Variants in HSPA12A observed in about 807,000 individuals in gnomAD.
HSPA12A encodes heat shock protein family A (Hsp70) member 12A.
Under a neutral mutation model 69.2 loss-of-function variants are expected in HSPA12A, and 28 were observed. The observed-to-expected ratio is 0.40, with a 90% CI of 0.30 to 0.55. HSPA12A has a LOEUF of 0.55. HSPA12A is among the 20% of genes least tolerant of loss of function. The pLI, the probability that HSPA12A is intolerant of heterozygous loss-of-function variation, is 0.38. For missense variants in HSPA12A, 686 were observed against 900.7 expected, an observed-to-expected ratio of 0.76 and a Z score of 3.05; for synonymous variants, 345 against 370.5, an observed-to-expected ratio of 0.93 and a Z score of 0.79.
intron 2 of HSPA12A, among the ~76,000 whole-genome samples, chr10:116,826,090 G>A (rs1845499748): frequency 6.6e-6 from 1 of 151,906 alleles, no homozygotes; most frequent in Non-Finnish European, 1.5e-5. Flanking sequence ...TGTCTGGACC[G>A]CACATGCCCC....
chr10:116,816,692 ATTTTTT>A (rs891927170), intron 2 of HSPA12A, among the ~76,000 whole-genome samples: 1 of 152,110 alleles, frequency 6.6e-6, no homozygotes, highest in Non-Finnish European at 1.5e-5. Context: ...GCCACTCATG[ATTTTTT>A]TAAATGGGGT....
intron 2 of HSPA12A, among the ~76,000 whole-genome samples, chr10:116,798,080 G>T (rs1476994452): frequency 6.6e-6 from 1 of 151,636 alleles, no homozygotes; most frequent in Admixed American, 6.6e-5. Flanking sequence ...ACCAGATCAC[G>T]TGGGGTCTCC....
chr10:116,848,154 C>A (rs1845931043), intron 1 of HSPA12A, among the ~76,000 whole-genome samples: 1 of 152,242 alleles, frequency 6.6e-6, no homozygotes, highest in Non-Finnish European at 1.5e-5. Flanking sequence ...TCTGCCCTTG[C>A]AGGGCCCCAG....
chr10:116,837,744 G>A (rs879616318), intron 1 of HSPA12A, among the ~76,000 whole-genome samples: 4 of 150,932 alleles, frequency 2.7e-5, no homozygotes, highest in Non-Finnish European at 5.9e-5. Context: ...AAAATATACT[G>A]TATATAATAA....
chr10:116,806,623 G>C (rs11591612), intron 2 of HSPA12A, among the ~76,000 whole-genome samples: 31,853 of 152,126 alleles, frequency 0.21, 3,448 homozygotes, highest in African/African-American at 0.26. Flanking sequence ...AAAATGTGCA[G>C]CCCCACGCCA....
chr10:116,776,323 G>T (rs1844337836), intron 2 of HSPA12A, among the ~76,000 whole-genome samples: 1 of 152,150 alleles, frequency 6.6e-6, no homozygotes, highest in Admixed American at 6.5e-5. Context: ...TCCTCCCGCT[G>T]GTCTCACCCC....
chr10:116,801,709 C>T (rs1471671323), intron 2 of HSPA12A, among the ~76,000 whole-genome samples: 1 of 151,842 alleles, frequency 6.6e-6, no homozygotes, highest in East Asian at 1.9e-4. Flanking sequence ...CAAATTTATA[C>T]ACGTCATAAA....
chr10:116,827,195 A>G (rs1845524583), intron 2 of HSPA12A, among the ~76,000 whole-genome samples: 1 of 152,194 alleles, frequency 6.6e-6, no homozygotes, highest in South Asian at 2.1e-4. Context: ...AGGGGTCACA[A>G]TATCCTAAGG....
chr10:116,726,304 C>G (rs1850960921), intron 1 of HSPA12A, among the ~76,000 whole-genome samples: 1 of 152,148 alleles, frequency 6.6e-6, no homozygotes, highest in African/African-American at 2.4e-5. Context: ...AAAGGAAGAC[C>G]TACCAGAAGC....
intron 2 of HSPA12A, among the ~76,000 whole-genome samples, chr10:116,792,296 A>G (rs907990356): frequency 6.7e-6 from 1 of 148,164 alleles, no homozygotes; most frequent in Non-Finnish European, 1.5e-5. Context: ...CCATCAAGGA[A>G]CAAGAATTGG....
upstream of HSPA12A, chr10:116,850,147 T>C (rs954967745): frequency 1.8e-5 from 5 of 277,210 alleles, no homozygotes; most frequent in Non-Finnish European, 2.8e-5. Flanking sequence ...GATCACAGGA[T>C]GAACACCTTG....
At chr10:116,689,632 GAC>G (rs1849677682) in intron 6 of HSPA12A, among the ~76,000 whole-genome samples, 2 of 152,056 alleles carry the variant, frequency 1.3e-5, no homozygotes, top group Non-Finnish European at 1.5e-5. Context: ...CAGACAGACA[GAC>G]AGACAGATAG....
At chr10:116,814,254 G>A (rs188616121) in intron 2 of HSPA12A, among the ~76,000 whole-genome samples, 94 of 152,334 alleles carry the variant, frequency 6.2e-4, no homozygotes, top group Non-Finnish European at 1.1e-3. Context: ...TACTCAGACA[G>A]AAGCACAGAG....
At chr10:116,701,287 C>T (rs1850070822) in intron 3 of HSPA12A, among the ~76,000 whole-genome samples, 158 bp from the exon 4 acceptor site, 1 of 152,230 alleles carries the variant, frequency 6.6e-6, no homozygotes, top group African/African-American at 2.4e-5. Flanking sequence ...GACACAACTT[C>T]AGTTAAAAAG....
In HSPA12A at chr10:116,686,413, AG is replaced by A. The variant is rs1475657810; in HGVS notation, c.664-2452del. On this transcript the variant is annotated intron_variant, in intron 6 of 11. Coordinates refer to ENST00000369209, the MANE Select transcript of HSPA12A (RefSeq NM_025015.3). The surrounding 1 kb of genome is among the most constrained non-coding windows in gnomAD (Gnocchi z 4.1). ...CTTCCACAAAACGGGGTGAGGAAGAAGGGACAACTTGCTGCAAAGAAACTGC... is the reference window on the plus strand; with the variant it reads ...CTTCCACAAAACGGGGTGAGGAAGAAGGACAACTTGCTGCAAAGAAACTGC... Among the ~76,000 whole-genome samples, 1 of 152,198 alleles carries A rather than the reference AG, an allele frequency of 6.6e-6. No homozygotes were observed. The highest frequency in any genetic ancestry group is 1.5e-5 in the Non-Finnish European group (1 of 68,036).
At chr10:116,701,236 C>A in intron 3 of HSPA12A, 107 bp from the exon 4 acceptor site, 1 of 1,018,312 alleles carries the variant, frequency 9.8e-7, no homozygotes, top group Admixed American at 2.3e-5. Flanking sequence ...AATGTGGGTG[C>A]CCAGAGGCAC....
intron 2 of HSPA12A, 23 bp from the exon 3 acceptor site, chr10:116,705,301 G>A (rs782579149): frequency 1.1e-5 from 17 of 1,613,214 alleles, no homozygotes; most frequent in Middle Eastern, 1.6e-4. Context: ...AGTGAGGCAT[G>A]GGGGGTGTGG....
chr10:116,695,165 C>T (rs1554880637), intron 5 of HSPA12A, among the ~76,000 whole-genome samples: 1 of 152,118 alleles, frequency 6.6e-6, no homozygotes, highest in African/African-American at 2.4e-5. Context: ...GCAGACAAAC[C>T]TGCAGAATCT....
chr10:116,828,946 A>G (rs2133206947), intron 2 of HSPA12A: 1 of 152,306 alleles, frequency 6.6e-6, no homozygotes. Context: ...GTGAGAAACA[A>G]TGTTGTAATT....
Sources: allele counts gnomAD v4.1 joint callset (sites outside exome capture counted in the v4.1 genomes callset), GRCh38; gene constraint gnomAD v4.1.1; non-coding constraint Gnocchi (gnomAD v3.1); transcripts MANE v1.5; gene names NCBI Gene and HGNC (gene_info 2026-07-23, HGNC 2026-07-21).